ADAM23: variants seen among roughly 807,000 people sequenced by gnomAD.
The protein encoded by ADAM23 is disintegrin and metalloproteinase domain-containing protein 23.
Under a neutral mutation model 120.1 loss-of-function variants are expected in ADAM23, and 33 were observed. That is an observed-to-expected ratio of 0.27 (90% CI 0.21 to 0.37). The LOEUF is 0.37. ADAM23 is among the 10% of genes least tolerant of loss of function. The pLI is 1.00. For synonymous variants in ADAM23, 367 were observed against 375.2 expected (o/e 0.98, Z 0.25); for missense variants, 862 against 1,058.2 (o/e 0.81, Z 2.57).
At chr2:206,454,035 G>A (rs1417495603) in intron 2 of ADAM23, among the ~76,000 whole-genome samples, 2 of 152,220 alleles carry the variant, frequency 1.3e-5, no homozygotes, top group Non-Finnish European at 2.9e-5. Flanking sequence ...CTGCTGATAG[G>A]CACTAATTAC....
intron 3 of ADAM23, among the ~76,000 whole-genome samples, chr2:206,481,515 C>G (rs1405101579): frequency 6.6e-6 from 1 of 152,082 alleles, no homozygotes; most frequent in African/African-American, 2.4e-5. Context: ...ATCTCAAACC[C>G]AGCACTTACA....
chr2:206,561,588 C>T (rs1175288631), intron 12 of ADAM23, among the ~76,000 whole-genome samples: 1 of 151,970 alleles, frequency 6.6e-6, no homozygotes, highest in Non-Finnish European at 1.5e-5. Context: ...GATATCAGTA[C>T]TGTATGTTTT....
chr2:206,498,160 T>C (rs1343411108), intron 3 of ADAM23, among the ~76,000 whole-genome samples: 2 of 151,960 alleles, frequency 1.3e-5, no homozygotes, highest in African/African-American at 2.4e-5. Flanking sequence ...CTTTAAAGTT[T>C]ATATGGAACC....
At chr2:206,515,721 C>T (rs979878942) in intron 3 of ADAM23, among the ~76,000 whole-genome samples, 1 of 152,124 alleles carries the variant, frequency 6.6e-6, no homozygotes, top group Admixed American at 6.6e-5. Context: ...TATGTGAACA[C>T]TTTTAGACTG....
chr2:206,538,635 T>A (rs1032463262), intron 4 of ADAM23, among the ~76,000 whole-genome samples: 2 of 152,234 alleles, frequency 1.3e-5, no homozygotes, highest in Admixed American at 6.5e-5. Flanking sequence ...AAGAACTGGC[T>A]GATGGAACTT....
intron 3 of ADAM23, among the ~76,000 whole-genome samples, chr2:206,493,508 G>A (rs1046464521): frequency 4.8e-4 from 73 of 152,264 alleles, no homozygotes; most frequent in African/African-American, 1.6e-3. Context: ...AGGTAGCTGG[G>A]ATTACAGGCA....
At chr2:206,459,714 C>G (rs1695374144) in intron 2 of ADAM23, among the ~76,000 whole-genome samples, 1 of 152,172 alleles carries the variant, frequency 6.6e-6, no homozygotes, top group Non-Finnish European at 1.5e-5. Context: ...CAAAATGGAA[C>G]TCTTGATTGT....
At chr2:206,600,057 T>C (rs1021080534) in intron 24 of ADAM23, among the ~76,000 whole-genome samples, 22 of 152,126 alleles carry the variant, frequency 1.4e-4, no homozygotes, top group East Asian at 3.9e-4. Flanking sequence ...AAAAAATTAG[T>C]TGGGCGTGGT....
At chr2:206,530,669 C>CTTTTTTTTT (rs56206262) in intron 3 of ADAM23, among the ~76,000 whole-genome samples, 1 of 74,836 alleles carries the variant, frequency 1.3e-5, no homozygotes, top group Non-Finnish European at 2.5e-5. Flanking sequence ...TGTGTCTTGT[C>CTTTTTTTTT]TTTTTTTTTT....
intron 25 of ADAM23, among the ~76,000 whole-genome samples, chr2:206,611,696 A>G (rs920273646): frequency 5.9e-5 from 9 of 152,230 alleles, no homozygotes; most frequent in African/African-American, 1.9e-4. Context: ...AGAAGAGCAC[A>G]CTATTCTGTA....
Position 206,619,315 on chromosome 2 carries a change from T to C in ADAM23, c.*1688T>C, listed in dbSNP as rs1698998328. The C allele has an allele frequency of 6.6e-6, 1 of 152,200 alleles. No individual in the cohort carries two copies. The allele number at this position is 152,200 out of a possible 1,614,324, so 9.4% of individuals were successfully genotyped here. A position where few individuals can be genotyped will look rare whatever the true frequency, so the allele number is the denominator to read the frequency against. ...TGGGCTTTCCAAGTCCCTCTGAGTTTCCTTCACTTTTACTGATTTTTTTCT... is the reference window on the plus strand; with the variant it reads ...TGGGCTTTCCAAGTCCCTCTGAGTTCCCTTCACTTTTACTGATTTTTTTCT... On this transcript the variant is annotated 3_prime_UTR_variant, in exon 26 of 26. Transcript: ENST00000264377.
At position 206,527,526 on chromosome 2, in the gene ADAM23, T is replaced by G. The variant is rs190706117; in HGVS notation, c.510-3359T>G. On this transcript the variant is annotated intron_variant, in intron 3 of 25. Transcript: ENST00000264377. ...TTACATTTCAGTTGATGTAATTCAC[T>G]CTCAAGGAGATTACAAAATAATATT... 1.3e-3 allele frequency among the ~76,000 whole-genome samples: 201 copies of G among 152,364 alleles called. 2 individuals carry two copies. Among genetic ancestry groups the G allele is most frequent in the African/African-American group, 4.6e-3 (191 of 41,592 alleles).
At chr2:206,584,848 C>T (rs568693115) in intron 18 of ADAM23, among the ~76,000 whole-genome samples, 9 of 152,286 alleles carry the variant, frequency 5.9e-5, no homozygotes, top group South Asian at 2.1e-4. Flanking sequence ...GCCACCTTCC[C>T]GTTGGATCCC....
chr2:206,484,226 A>G (rs925462593), intron 3 of ADAM23, among the ~76,000 whole-genome samples: 1 of 152,094 alleles, frequency 6.6e-6, no homozygotes, highest in African/African-American at 2.4e-5. Context: ...AGTTGAAGAA[A>G]CACATTTCTG....
At chr2:206,447,431 A>G (rs1455354727) in intron 2 of ADAM23, among the ~76,000 whole-genome samples, 4 of 152,234 alleles carry the variant, frequency 2.6e-5, no homozygotes, top group African/African-American at 4.8e-5. Flanking sequence ...GACATGATCT[A>G]TCCTCCAGGA....
At position 206,619,207 on chromosome 2, in the gene ADAM23, C is replaced by T. The variant is rs376465216; in HGVS notation, c.*1580C>T. The T allele has an allele frequency of 6.6e-6, 1 of 152,132 alleles. No homozygotes were observed. Among genetic ancestry groups the T allele is most frequent in the South Asian group, 2.1e-4 (1 of 4,824 alleles). 9.4% of individuals were successfully genotyped at this position (152,132 alleles called of 1,614,324 possible). ...TCTGGCATTTTACTGATCAGTGGAC[C>T]GTTGCACTGGATTATAATGGGATTC... On this transcript the variant is annotated 3_prime_UTR_variant, in exon 26 of 26. Coordinates refer to ENST00000264377, the MANE Select transcript of ADAM23 (RefSeq NM_003812.4).
At position 206,530,768 on chromosome 2, in the gene ADAM23, C is replaced by G. The variant is rs575979402; in HGVS notation, c.510-117C>G. The G allele has an allele frequency of 1.7e-4, 89 of 533,378 alleles. 3 individuals are homozygous for G. The South Asian group carries it at 1.8e-3, about 11-fold the overall frequency. The allele number at this position is 533,378 out of a possible 1,614,324, so 33.0% of individuals were successfully genotyped here. A position where few individuals can be genotyped will look rare whatever the true frequency, so the allele number is the denominator to read the frequency against. ...AACCTGTTTTTGTTTCTGTACTAAC[C>G]ATGGACTGCAGCTATTTCTGGTTTG... On this transcript the variant is annotated intron_variant, in intron 3 of 25. Transcript: ENST00000264377.
At chr2:206,455,450 C>G (rs1330854156) in intron 2 of ADAM23, among the ~76,000 whole-genome samples, 1 of 152,150 alleles carries the variant, frequency 6.6e-6, no homozygotes, top group Non-Finnish European at 1.5e-5. Context: ...CTCTGAAATG[C>G]CTTGGAGGCA....
intron 25 of ADAM23, among the ~76,000 whole-genome samples, chr2:206,615,515 A>C (rs1574568602): frequency 6.6e-6 from 1 of 152,208 alleles, no homozygotes. Flanking sequence ...TGTGTGAGGC[A>C]CCTTCACAGT....
Sources: gnomAD v4.1 joint callset for allele counts (sites outside exome capture counted in the v4.1 genomes callset) on GRCh38, gnomAD v4.1.1 for gene constraint, MANE v1.5 for transcripts, NCBI Gene and HGNC (gene_info 2026-07-23, HGNC 2026-07-21) for gene names.